The following WDPCP variants were observed in gnomAD, a reference collection of about 807,000 sequenced individuals.
WDPCP encodes the protein WD repeat-containing and planar cell polarity effector protein fritz homolog.
A neutral mutation model predicts 93.1 loss-of-function variants in WDPCP; 71 were observed. The observed-to-expected ratio is 0.76, with a 90% CI of 0.63 to 0.93. WDPCP has a LOEUF of 0.93. WDPCP is among the 40% of genes least tolerant of loss of function. WDPCP has a pLI of 0.00. For synonymous variants in WDPCP, 315 were observed against 315.0 expected (o/e 1.00, Z 0.00); for missense variants, 844 against 887.4 (o/e 0.95, Z 0.62).
intron 2 of WDPCP, among the ~76,000 whole-genome samples, chr2:63,715,510 A>G (rs1310848255): frequency 6.6e-6 from 1 of 152,246 alleles, no homozygotes; most frequent in Non-Finnish European, 1.5e-5. Flanking sequence ...CAGTTCACCA[A>G]AAAGAGAAAC....
chr2:63,703,726 G>A (rs1342870675), intron 2 of WDPCP, among the ~76,000 whole-genome samples: 2 of 152,114 alleles, frequency 1.3e-5, no homozygotes, highest in Non-Finnish European at 2.9e-5. Context: ...TTTGAAGTCA[G>A]GTAGCATGAT....
rs1671718974 is a variant in WDPCP at position 63,149,021 on chromosome 2, T to C, written c.2190+3893A>G. 2.6e-5 allele frequency among the ~76,000 whole-genome samples: 4 copies of C among 152,264 alleles called. No individual in the cohort carries two copies. The South Asian group carries it at 8.3e-4, about 32-fold the overall frequency. On this transcript the variant is annotated intron_variant, in intron 17 of 17. Transcript: ENST00000272321. ...ATAAAAGCATACCATAAAGGTATAA[T>C]GGTGCATTCTTGTCTTTAATATAGT...
chr2:63,352,352 A>T (rs541311730), intron 12 of WDPCP, among the ~76,000 whole-genome samples: 12 of 152,146 alleles, frequency 7.9e-5, no homozygotes, highest in Non-Finnish European at 1.5e-4. Flanking sequence ...ATACTTTCCT[A>T]TACTTCATAT....
intron 6 of WDPCP, among the ~76,000 whole-genome samples, chr2:63,478,753 C>T (rs1230927709): frequency 2.6e-5 from 4 of 151,932 alleles, no homozygotes; most frequent in Non-Finnish European, 5.9e-5. Context: ...CATCTCAGGT[C>T]ACACCTCAAG....
intron 17 of WDPCP, among the ~76,000 whole-genome samples, chr2:63,138,993 C>G (rs888278226): frequency 6.6e-6 from 1 of 152,100 alleles, no homozygotes; most frequent in African/African-American, 2.4e-5. Context: ...GAATAATAGT[C>G]TCTAATCTCA....
intron 9 of WDPCP, among the ~76,000 whole-genome samples, chr2:63,413,641 C>A (rs1406524950): frequency 6.6e-6 from 1 of 151,788 alleles, no homozygotes; most frequent in Non-Finnish European, 1.5e-5. Context: ...ACTAAAAATA[C>A]AAAAAAATTA....
intron 14 of WDPCP, among the ~76,000 whole-genome samples, chr2:63,182,578 A>C (rs995073589): frequency 6.6e-6 from 1 of 151,964 alleles, no homozygotes; most frequent in Admixed American, 6.6e-5. Context: ...ATCTATGTTC[A>C]TCAGAGATTT....
rs1464279351 is a variant in WDPCP at position 63,588,330 on chromosome 2, G to A, written c.-59C>T. 6 of 1,542,702 alleles carry A rather than the reference G, an allele frequency of 3.9e-6. No individual in the cohort carries two copies. Among genetic ancestry groups the A allele is most frequent in the South Asian group, 2.4e-5 (2 of 84,130 alleles). On this transcript the variant is annotated 5_prime_UTR_variant, in exon 1 of 18. Coordinates refer to ENST00000272321, the MANE Select transcript of WDPCP (RefSeq NM_015910.7). Reference sequence around the variant, plus strand: ...GCTAGGTCCTCGGACCCGAGAGGGAGCGACACGCTCGCTTGGTCTCTTGGG... The same window carrying A: ...GCTAGGTCCTCGGACCCGAGAGGGAACGACACGCTCGCTTGGTCTCTTGGG...
chr2:63,203,219 T>C (rs1399364412), intron 14 of WDPCP, among the ~76,000 whole-genome samples: 1 of 152,138 alleles, frequency 6.6e-6, no homozygotes, highest in Non-Finnish European at 1.5e-5. Flanking sequence ...ACAGAGTATA[T>C]GAGATGTTCT....
intron 12 of WDPCP, chr2:63,368,674 C>G (rs1158502063): frequency 6.6e-6 from 1 of 151,814 alleles, no homozygotes; most frequent in East Asian, 1.9e-4. Flanking sequence ...ATCCTCTTGC[C>G]TCAGCCTCCC....
At chr2:63,183,661 A>G (rs1182741729) in intron 14 of WDPCP, among the ~76,000 whole-genome samples, 1 of 152,014 alleles carries the variant, frequency 6.6e-6, no homozygotes, top group African/African-American at 2.4e-5. Context: ...CTCAAGATCA[A>G]TTTAAGCCCA....
At chr2:63,732,034 A>G (rs980997203) in intron 2 of WDPCP, among the ~76,000 whole-genome samples, 2 of 152,216 alleles carry the variant, frequency 1.3e-5, no homozygotes, top group Admixed American at 1.3e-4. Context: ...CCCTAGGAAT[A>G]AATGAGGAAA....
At chr2:63,176,898 TGTTTA>T (rs1673852978) in intron 14 of WDPCP, among the ~76,000 whole-genome samples, 1 of 152,204 alleles carries the variant, frequency 6.6e-6, no homozygotes, top group African/African-American at 2.4e-5. Flanking sequence ...TTGTTTCTTA[TGTTTA>T]GGTCTTTAAT....
chr2:63,475,924 C>T (rs1010833455), intron 6 of WDPCP, among the ~76,000 whole-genome samples: 1 of 152,078 alleles, frequency 6.6e-6, no homozygotes, highest in Admixed American at 6.6e-5. Context: ...ATTTGGGAGG[C>T]TGTCTCCTCT....
chr2:63,777,223 AAAT>A (rs1431358875), intron 2 of WDPCP, among the ~76,000 whole-genome samples: 1 of 152,204 alleles, frequency 6.6e-6, no homozygotes, highest in Non-Finnish European at 1.5e-5. Flanking sequence ...AACTTTTAAA[AAAT>A]AATTGTCAAT....
At chr2:63,684,635 T>C (rs879214259) in intron 2 of WDPCP, 3 of 700,632 alleles carry the variant, frequency 4.3e-6, no homozygotes, top group East Asian at 3.0e-5. Context: ...ACGCAAGGCC[T>C]GACGAGAGGT....
chr2:63,746,271 TCTTTA>T (rs1389187196), intron 2 of WDPCP, among the ~76,000 whole-genome samples: 9 of 152,212 alleles, frequency 5.9e-5, no homozygotes, highest in African/African-American at 1.4e-4. Flanking sequence ...CCCATGCCTG[TCTTTA>T]CTTTAATCTC....
chr2:63,563,458 A>G (rs1706784268), intron 1 of WDPCP, among the ~76,000 whole-genome samples: 1 of 152,112 alleles, frequency 6.6e-6, no homozygotes, highest in Non-Finnish European at 1.5e-5. Context: ...AGACACATAA[A>G]GCCACATATT....
chr2:63,679,053 C>A (rs757225291), intron 2 of WDPCP, among the ~76,000 whole-genome samples: 1 of 152,228 alleles, frequency 6.6e-6, no homozygotes, highest in Non-Finnish European at 1.5e-5. Context: ...TCGTAAATTT[C>A]TAATCCCGTG....
Sources: allele counts gnomAD v4.1 joint callset (sites outside exome capture counted in the v4.1 genomes callset), GRCh38; gene constraint gnomAD v4.1.1; transcripts MANE v1.5; gene names NCBI Gene and HGNC (gene_info 2026-07-23, HGNC 2026-07-21).